GRIK1: variants seen among roughly 807,000 people sequenced by gnomAD.
GRIK1 encodes glutamate ionotropic receptor kainate type subunit 1.
A neutral mutation model predicts 105.7 loss-of-function variants in GRIK1; 69 were observed. The ratio of observed to expected loss-of-function variants is 0.65; its 90% CI spans 0.54 to 0.80. The LOEUF (loss-of-function observed/expected upper bound fraction) is 0.80, where lower values mean the gene tolerates loss of function less well. Ranked by LOEUF, GRIK1 falls within the 30% of genes least tolerant of loss-of-function variation. The pLI is 0.00. For synonymous variants in GRIK1, 438 were observed against 431.3 expected, an observed-to-expected ratio of 1.02 and a Z score of -0.19; for missense variants, 1,109 against 1,167.3, an observed-to-expected ratio of 0.95 and a Z score of 0.73.
intron 1 of GRIK1, among the ~76,000 whole-genome samples, chr21:29,754,280 T>C (rs182806096): frequency 2.0e-5 from 3 of 152,258 alleles, no homozygotes; most frequent in Admixed American, 1.3e-4. Flanking sequence ...AAATAACTCA[T>C]GTGTGGGTGG....
intron 1 of GRIK1, among the ~76,000 whole-genome samples, chr21:29,909,681 A>T (rs989333252): frequency 6.6e-6 from 1 of 152,110 alleles, no homozygotes. Flanking sequence ...TTCAAATCAG[A>T]TGTGGTTTAG....
At chr21:29,577,802 G>A (rs1173670433) in intron 13 of GRIK1, among the ~76,000 whole-genome samples, 2 of 152,102 alleles carry the variant, frequency 1.3e-5, no homozygotes, top group Admixed American at 6.6e-5. Flanking sequence ...CACATTCTCT[G>A]CAACGCATAA....
At chr21:29,619,271 T>C (rs1224462588) in intron 7 of GRIK1, among the ~76,000 whole-genome samples, 2 of 151,964 alleles carry the variant, frequency 1.3e-5, no homozygotes, top group African/African-American at 4.8e-5. Context: ...ACCTCGTCTC[T>C]GCTAAAAATA....
intron 1 of GRIK1, among the ~76,000 whole-genome samples, chr21:29,796,703 C>T (rs957355040): frequency 6.6e-6 from 1 of 152,090 alleles, no homozygotes; most frequent in African/African-American, 2.4e-5. Context: ...AATCCCAGCA[C>T]TTTGGGAGGC....
intron 1 of GRIK1, among the ~76,000 whole-genome samples, chr21:29,718,705 G>C (rs2064239988): frequency 6.6e-6 from 1 of 152,208 alleles, no homozygotes; most frequent in Non-Finnish European, 1.5e-5. Flanking sequence ...CAATGGCAAA[G>C]CATGATCACA....
At chr21:29,779,518 T>TGC (rs1491082875) in intron 1 of GRIK1, among the ~76,000 whole-genome samples, 2 of 149,416 alleles carry the variant, frequency 1.3e-5, no homozygotes, top group African/African-American at 4.9e-5. Context: ...TGTGTGTGTG[T>TGC]GATCCCAACT....
intron 1 of GRIK1, among the ~76,000 whole-genome samples, chr21:29,937,895 A>G (rs2071824907): frequency 6.6e-6 from 1 of 151,994 alleles, no homozygotes; most frequent in South Asian, 2.1e-4. Context: ...TATTTCAGTT[A>G]TGTATAGTAG....
At chr21:29,927,408 T>C (rs999812425) in intron 1 of GRIK1, among the ~76,000 whole-genome samples, 1 of 150,526 alleles carries the variant, frequency 6.6e-6, no homozygotes, top group Non-Finnish European at 1.5e-5. Context: ...ATGTATACTA[T>C]GTAGTATATG....
At chr21:29,723,939 A>G (rs546747418) in intron 1 of GRIK1, among the ~76,000 whole-genome samples, 1 of 152,332 alleles carries the variant, frequency 6.6e-6, no homozygotes, top group East Asian at 1.9e-4. Flanking sequence ...TGGGGAAATC[A>G]CAGCTGTTCC....
intron 1 of GRIK1, among the ~76,000 whole-genome samples, chr21:29,728,592 A>C (rs1443416234): frequency 6.6e-6 from 1 of 152,176 alleles, no homozygotes; most frequent in African/African-American, 2.4e-5. Context: ...GAAGGGTTGT[A>C]TCATAATAGC....
Position 29,719,358 on chromosome 21 carries a change from T to C in GRIK1, c.119-25295A>G, listed in dbSNP as rs145313039. On this transcript the variant is annotated intron_variant, in intron 1 of 17. Coordinates refer to ENST00000327783, the MANE Select transcript of GRIK1 (RefSeq NM_001330994.2). Reference sequence around the variant, plus strand: ...GAGGAATCATTCTCTGAGTCAATTGTAAAAGCAATTGATAAGGCAAGATCC... The same window carrying C: ...GAGGAATCATTCTCTGAGTCAATTGCAAAAGCAATTGATAAGGCAAGATCC... Among the ~76,000 whole-genome samples, 1,096 of 152,162 alleles carry C rather than the reference T, an allele frequency of 7.2e-3. 16 individuals carry two copies. The highest frequency in any genetic ancestry group is 0.025 in the African/African-American group (1,041 of 41,524).
intron 13 of GRIK1, among the ~76,000 whole-genome samples, chr21:29,579,957 G>GTGTGTGTATATATATATATATA (rs2090978025): frequency 8.0e-6 from 1 of 124,770 alleles, no homozygotes; most frequent in African/African-American, 3.8e-5. Context: ...GTATATATAT[G>GTGTGTGTATATATATATATATA]TGTGTGTGTA....
intron 1 of GRIK1, among the ~76,000 whole-genome samples, chr21:29,868,976 A>G (rs2068920548): frequency 6.6e-6 from 1 of 152,236 alleles, no homozygotes; most frequent in Non-Finnish European, 1.5e-5. Context: ...AAATACAGTG[A>G]AATGAAAAGT....
At chr21:29,893,716 C>T (rs1172897118) in intron 1 of GRIK1, among the ~76,000 whole-genome samples, 1 of 152,196 alleles carries the variant, frequency 6.6e-6, no homozygotes, top group Non-Finnish European at 1.5e-5. Flanking sequence ...GAGAAAGACA[C>T]AGCTCCTTCC....
At chr21:29,748,278 T>C (rs1307100261) in intron 1 of GRIK1, 1 of 152,210 alleles carries the variant, frequency 6.6e-6, no homozygotes, top group Admixed American at 6.5e-5. Flanking sequence ...GAAGCCAAGG[T>C]CATCAGTAAA....
chr21:29,693,799 G>T (rs1601467511), intron 2 of GRIK1, 97 bp downstream of exon 2: 2 of 858,084 alleles, frequency 2.3e-6, no homozygotes, highest in East Asian at 4.8e-5. Flanking sequence ...TTTGCACAAA[G>T]ATGCCCGCTT....
intron 1 of GRIK1, among the ~76,000 whole-genome samples, chr21:29,919,321 A>G (rs1372521217): frequency 6.6e-6 from 1 of 152,144 alleles, no homozygotes; most frequent in Non-Finnish European, 1.5e-5. Flanking sequence ...GGAGGGGCAA[A>G]CAGAGAATAT....
chr21:29,836,963 T>G (rs574823535), intron 1 of GRIK1, among the ~76,000 whole-genome samples: 1 of 152,344 alleles, frequency 6.6e-6, no homozygotes, highest in South Asian at 2.1e-4. Context: ...AACTCTCACC[T>G]TAGGCATAAA....
chr21:29,727,070 G>A (rs1413315951), intron 1 of GRIK1, among the ~76,000 whole-genome samples: 1 of 151,958 alleles, frequency 6.6e-6, no homozygotes, highest in Non-Finnish European at 1.5e-5. Flanking sequence ...GAGTAGTTAG[G>A]AGCACAGGCA....
Sources: gnomAD v4.1 joint callset for allele counts (sites outside exome capture counted in the v4.1 genomes callset) on GRCh38, gnomAD v4.1.1 for gene constraint, MANE v1.5 for transcripts, NCBI Gene and HGNC (gene_info 2026-07-23, HGNC 2026-07-21) for gene names.